GALNT13: variants seen among roughly 807,000 people sequenced by gnomAD.
GALNT13 encodes the protein UDP-GalNAc:polypeptide N-acetylgalactosaminyltransferase 13.
In GALNT13, 28 loss-of-function variants were observed where a neutral mutation model predicts 64.2. That is an observed-to-expected ratio of 0.44 (90% CI 0.32 to 0.60). The LOEUF is 0.60. Among genes scored for constraint, GALNT13 ranks in the 20% least tolerant of loss-of-function variants. The pLI is 0.05. For synonymous variants in GALNT13, 214 were observed against 224.6 expected (o/e 0.95, Z 0.42); for missense variants, 577 against 669.8 (o/e 0.86, Z 1.53).
intron 3 of GALNT13, among the ~76,000 whole-genome samples, chr2:154,090,277 T>C (rs902310278): frequency 6.6e-6 from 1 of 152,078 alleles, no homozygotes; most frequent in Non-Finnish European, 1.5e-5. Context: ...TAGGTGAAAG[T>C]CTACATCATT....
At chr2:153,272,126 G>A in the GALNT13 span, among the ~76,000 whole-genome samples, 24 of 152,090 alleles carry the variant, frequency 1.6e-4, no homozygotes, top group Non-Finnish European at 3.2e-4. Flanking sequence ...ATGGATTAAA[G>A]ACTTAAACAT....
At chr2:153,891,734 G>T (rs1022753489) in intron 1 of GALNT13, among the ~76,000 whole-genome samples, 3 of 152,072 alleles carry the variant, frequency 2.0e-5, no homozygotes, top group Non-Finnish European at 2.9e-5. Context: ...GAATGAGCAT[G>T]TAACTCCTGG....
At chr2:154,169,869 C>T (rs1193914643) in intron 4 of GALNT13, among the ~76,000 whole-genome samples, 1 of 151,744 alleles carries the variant, frequency 6.6e-6, no homozygotes, top group Admixed American at 6.6e-5. Context: ...GAGGCTGACT[C>T]TCTCTCTCTC....
At chr2:154,326,019 C>T (rs1294591778) in intron 9 of GALNT13, among the ~76,000 whole-genome samples, 4 of 152,066 alleles carry the variant, frequency 2.6e-5, no homozygotes, top group Admixed American at 2.6e-4. Flanking sequence ...GTGCTCATCC[C>T]CTTGTATTCA....
chr2:153,119,298 G>C, the GALNT13 span, among the ~76,000 whole-genome samples: 6 of 152,000 alleles, frequency 3.9e-5, no homozygotes, highest in African/African-American at 1.4e-4. Context: ...TTTAGACACA[G>C]GGCTTATTAA....
At chr2:153,332,695 A>G in the GALNT13 span, among the ~76,000 whole-genome samples, 1 of 152,082 alleles carries the variant, frequency 6.6e-6, no homozygotes, top group South Asian at 2.1e-4. Flanking sequence ...TCTGAGATCT[A>G]GAAATCTGCC....
At chr2:153,435,206 T>C in the GALNT13 span, among the ~76,000 whole-genome samples, 2 of 152,220 alleles carry the variant, frequency 1.3e-5, no homozygotes, top group African/African-American at 2.4e-5. Flanking sequence ...TTGGTACCAG[T>C]ACCATGCTGT....
chr2:154,286,218 T>C (rs2105949892), intron 8 of GALNT13, among the ~76,000 whole-genome samples: 1 of 152,344 alleles, frequency 6.6e-6, no homozygotes, highest in East Asian at 1.9e-4. Flanking sequence ...AAGTGCTATG[T>C]TGAATATAAG....
the GALNT13 span, among the ~76,000 whole-genome samples, chr2:153,077,349 G>C: frequency 6.6e-6 from 1 of 152,114 alleles, no homozygotes; most frequent in Admixed American, 6.6e-5. Flanking sequence ...AAAAATCTGA[G>C]TCACAATAAA....
At chr2:154,019,823 G>T (rs1697312935) in intron 3 of GALNT13, among the ~76,000 whole-genome samples, 1 of 151,730 alleles carries the variant, frequency 6.6e-6, no homozygotes, top group South Asian at 2.1e-4. Flanking sequence ...CTAGCATTAG[G>T]TATATCTCCT....
chr2:153,069,385 C>A, the GALNT13 span, among the ~76,000 whole-genome samples: 1 of 152,118 alleles, frequency 6.6e-6, no homozygotes, highest in Non-Finnish European at 1.5e-5. Context: ...AAGAGTGCTG[C>A]AGTGGGAGAG....
chr2:154,232,532 A>G (rs1034473656), intron 4 of GALNT13, among the ~76,000 whole-genome samples: 3 of 152,132 alleles, frequency 2.0e-5, no homozygotes, highest in African/African-American at 7.2e-5. Context: ...ATAACGTACC[A>G]TCTTTATTTA....
At chr2:153,634,818 G>A in the GALNT13 span, among the ~76,000 whole-genome samples, 1 of 151,890 alleles carries the variant, frequency 6.6e-6, no homozygotes, top group Non-Finnish European at 1.5e-5. Context: ...CAAAGTGCTG[G>A]AACTACAGGC....
At chr2:153,234,528 A>G in the GALNT13 span, among the ~76,000 whole-genome samples, 2 of 152,134 alleles carry the variant, frequency 1.3e-5, no homozygotes. Context: ...AGATAGACAC[A>G]ATGATGTTAT....
At chr2:153,539,254 G>C in the GALNT13 span, among the ~76,000 whole-genome samples, 1 of 152,082 alleles carries the variant, frequency 6.6e-6, no homozygotes, top group South Asian at 2.1e-4. Context: ...TTTTTTTCTT[G>C]TAAATTTGTT....
chr2:153,350,419 G>GT, the GALNT13 span, among the ~76,000 whole-genome samples: 882 of 132,858 alleles, frequency 6.6e-3, 10 homozygotes, highest in African/African-American at 0.024. Context: ...GTTGCGTTCT[G>GT]TTGCCGAGGC....
chr2:153,321,486 A>T, the GALNT13 span, among the ~76,000 whole-genome samples: 1 of 152,200 alleles, frequency 6.6e-6, no homozygotes, highest in African/African-American at 2.4e-5. Context: ...GTTTCTTCCA[A>T]TGGCAAAAAA....
At chr2:153,660,463 T>C in the GALNT13 span, among the ~76,000 whole-genome samples, 4 of 151,876 alleles carry the variant, frequency 2.6e-5, no homozygotes, top group African/African-American at 9.7e-5. Context: ...GTATGATTTA[T>C]GTATTGAAAG....
At chr2:154,175,272 C>T (rs922428457) in intron 4 of GALNT13, among the ~76,000 whole-genome samples, 1 of 152,130 alleles carries the variant, frequency 6.6e-6, no homozygotes, top group African/African-American at 2.4e-5. Context: ...CAGTACATGA[C>T]ATAGTTAATC....
Sources: gnomAD v4.1 joint callset for allele counts (sites outside exome capture counted in the v4.1 genomes callset) on GRCh38, gnomAD v4.1.1 for gene constraint, MANE v1.5 for transcripts, NCBI Gene and HGNC (gene_info 2026-07-23, HGNC 2026-07-21) for gene names.